The following ULK4 variants were observed in gnomAD, a reference collection of about 807,000 sequenced individuals.
The protein encoded by ULK4 is inactive serine/threonine-protein kinase ULK4.
In ULK4, 133 loss-of-function variants were observed where a neutral mutation model predicts 160.6. The ratio of observed to expected loss-of-function variants is 0.83; its 90% CI spans 0.72 to 0.96. ULK4 has a LOEUF of 0.96. Among genes scored for constraint, ULK4 ranks in the 40% least tolerant of loss-of-function variants. The probability of loss-of-function intolerance (pLI) is 0.00; values close to 1 mark genes in which losing one functional copy is unlikely to be tolerated. For synonymous variants in ULK4, 534 were observed against 539.8 expected (o/e 0.99, Z 0.15); for missense variants, 1,580 against 1,499.5 (o/e 1.05, Z -0.89).
chr3:41,773,204 T>A (rs964703255), intron 21 of ULK4, among the ~76,000 whole-genome samples: 3 of 152,116 alleles, frequency 2.0e-5, no homozygotes, highest in Non-Finnish European at 4.4e-5. Flanking sequence ...CAACATAGTG[T>A]TGGAAGTTCT....
intron 35 of ULK4, among the ~76,000 whole-genome samples, chr3:41,273,264 C>A (rs1392522310): frequency 6.6e-6 from 1 of 152,122 alleles, no homozygotes; most frequent in African/African-American, 2.4e-5. Context: ...TGAAGCAGTG[C>A]TCAATCTAGG....
chr3:41,388,934 G>A (rs1251117348), intron 35 of ULK4, among the ~76,000 whole-genome samples: 8 of 151,948 alleles, frequency 5.3e-5, no homozygotes, highest in Non-Finnish European at 1.0e-4. Flanking sequence ...AGCTTGATGG[G>A]GATGGCATTG....
At chr3:41,318,880 A>G (rs2080195085) in intron 35 of ULK4, among the ~76,000 whole-genome samples, 1 of 151,308 alleles carries the variant, frequency 6.6e-6, no homozygotes, top group African/African-American at 2.4e-5. Context: ...ATAACCTGTA[A>G]AAGATGACAG....
intron 30 of ULK4, among the ~76,000 whole-genome samples, chr3:41,616,543 G>A (rs558985490): frequency 3.0e-4 from 45 of 152,262 alleles, no homozygotes; most frequent in African/African-American, 1.1e-3. Context: ...GCAAGGGGCT[G>A]GGGACCTCCC....
intron 34 of ULK4, among the ~76,000 whole-genome samples, chr3:41,440,300 G>T (rs1319196922): frequency 6.6e-6 from 1 of 152,128 alleles, no homozygotes; most frequent in Non-Finnish European, 1.5e-5. Flanking sequence ...AAGCGTTAAG[G>T]CTTCCACCAT....
intron 35 of ULK4, among the ~76,000 whole-genome samples, chr3:41,311,087 G>A (rs2080040056): frequency 6.6e-6 from 1 of 152,132 alleles, no homozygotes; most frequent in Non-Finnish European, 1.5e-5. Flanking sequence ...TTAATTTTAT[G>A]TGACAACTTG....
chr3:41,247,046 C>T lies in ULK4; in HGVS notation c.3765-54G>A, dbSNP rs189499822. On this transcript the variant is annotated intron_variant, in intron 36 of 36. Coordinates refer to ENST00000301831, the MANE Select transcript of ULK4 (RefSeq NM_017886.4). The stretch of plus-strand genomic sequence containing the variant: ...TAATAGGCATCTCTAAGGTAAAGTG[C>T]TCCCCCCTTTCAAAGGGGCCAGCCT... 2.9e-4 allele frequency: 459 copies of T among 1,557,884 alleles called. 1 individual carries two copies. In the African/African-American group the frequency reaches 5.4e-3, roughly 18 times the overall value.
intron 17 of ULK4, among the ~76,000 whole-genome samples, chr3:41,868,430 G>T (rs922337305): frequency 7.9e-5 from 12 of 152,046 alleles, no homozygotes; most frequent in African/African-American, 2.9e-4. Flanking sequence ...GGTATATCTT[G>T]TAAGTCTAAC....
intron 21 of ULK4, among the ~76,000 whole-genome samples, chr3:41,776,349 C>T (rs2039620884): frequency 1.3e-5 from 2 of 150,560 alleles, no homozygotes; most frequent in Admixed American, 1.3e-4. Flanking sequence ...AGTTTCCCTA[C>T]AACAAGATCA....
At chr3:41,322,164 TG>T (rs2125731385) in intron 35 of ULK4, among the ~76,000 whole-genome samples, 1 of 143,918 alleles carries the variant, frequency 6.9e-6, no homozygotes, top group South Asian at 2.2e-4. Flanking sequence ...CCTGAGTAGG[TG>T]GGACAACGAG....
At chr3:41,665,437 C>T (rs2035321764) in intron 29 of ULK4, among the ~76,000 whole-genome samples, 1 of 152,128 alleles carries the variant, frequency 6.6e-6, no homozygotes, top group Non-Finnish European at 1.5e-5. Context: ...CAAATGGGAC[C>T]TGAGAGCCCA....
At chr3:41,830,482 G>A (rs1258437854) in intron 18 of ULK4, among the ~76,000 whole-genome samples, 2 of 152,004 alleles carry the variant, frequency 1.3e-5, no homozygotes, top group Non-Finnish European at 2.9e-5. Flanking sequence ...GGAAACTTTT[G>A]GAGGTGATAG....
At chr3:41,766,304 T>A (rs1434722204) in intron 21 of ULK4, among the ~76,000 whole-genome samples, 1 of 152,148 alleles carries the variant, frequency 6.6e-6, no homozygotes, top group African/African-American at 2.4e-5. Context: ...GAAAGTGTGA[T>A]GAGGGAAGGA....
intron 31 of ULK4, among the ~76,000 whole-genome samples, chr3:41,604,882 T>C (rs188927742): frequency 6.6e-6 from 1 of 152,206 alleles, no homozygotes; most frequent in Admixed American, 6.5e-5. Flanking sequence ...AAACACATTA[T>C]TCCCCAGGAT....
intron 32 of ULK4, among the ~76,000 whole-genome samples, chr3:41,482,010 G>A (rs2084344790): frequency 6.6e-6 from 1 of 151,966 alleles, no homozygotes; most frequent in Non-Finnish European, 1.5e-5. Context: ...ACCTAGGGTG[G>A]GTGCGTTCCT....
At chr3:41,519,842 A>G (rs2085873193) in intron 32 of ULK4, among the ~76,000 whole-genome samples, 1 of 152,210 alleles carries the variant, frequency 6.6e-6, no homozygotes, top group Non-Finnish European at 1.5e-5. Context: ...CATATGTATC[A>G]ACTTAAATTT....
intron 18 of ULK4, among the ~76,000 whole-genome samples, chr3:41,820,918 T>C (rs920210493): frequency 6.6e-6 from 1 of 152,222 alleles, no homozygotes; most frequent in Admixed American, 6.5e-5. Context: ...CTGGACATTA[T>C]GATCAGGAGC....
intron 35 of ULK4, among the ~76,000 whole-genome samples, chr3:41,374,890 A>C (rs1311918323): frequency 6.6e-6 from 1 of 152,242 alleles, no homozygotes; most frequent in African/African-American, 2.4e-5. Flanking sequence ...AGAAAACTTC[A>C]TCGTCTCAGC....
chr3:41,851,617 T>G (rs564669004), intron 17 of ULK4, among the ~76,000 whole-genome samples: 1 of 152,282 alleles, frequency 6.6e-6, no homozygotes, highest in South Asian at 2.1e-4. Context: ...GGATTCCCTC[T>G]TTTTCTATTG....
Sources: gnomAD v4.1 joint callset for allele counts (sites outside exome capture counted in the v4.1 genomes callset) on GRCh38, gnomAD v4.1.1 for gene constraint, MANE v1.5 for transcripts, NCBI Gene and HGNC (gene_info 2026-07-23, HGNC 2026-07-21) for gene names.